The following CHD9 variants were observed in gnomAD, a reference collection of about 807,000 sequenced individuals.
CHD9 encodes ATP-dependent chromatin remodeler CHD9.
A neutral mutation model predicts 316.1 loss-of-function variants in CHD9; 77 were observed. That is an observed-to-expected ratio of 0.24 (90% CI 0.20 to 0.29). CHD9 has a LOEUF of 0.29. Among genes scored for constraint, CHD9 ranks in the 10% least tolerant of loss-of-function variants. CHD9 has a pLI of 1.00. For missense variants in CHD9, 2,763 were observed against 3,438.1 expected, an observed-to-expected ratio of 0.80 and a Z score of 4.91; for synonymous variants, 1,129 against 1,158.3, an observed-to-expected ratio of 0.97 and a Z score of 0.51.
intron 2 of CHD9, among the ~76,000 whole-genome samples, chr16:53,188,891 C>A (rs1003851151): frequency 2.0e-5 from 3 of 151,348 alleles, no homozygotes; most frequent in African/African-American, 7.3e-5. Context: ...AGCATTGTAT[C>A]TTTTTTTTAG....
intron 19 of CHD9, among the ~76,000 whole-genome samples, chr16:53,257,827 T>A (rs753219288): frequency 6.6e-6 from 1 of 152,156 alleles, no homozygotes; most frequent in Non-Finnish European, 1.5e-5. Flanking sequence ...GAACTAAAAC[T>A]AGTCATGACT....
At chr16:53,140,538 G>A (rs544806663) in intron 1 of CHD9, among the ~76,000 whole-genome samples, 58 of 152,224 alleles carry the variant, frequency 3.8e-4, no homozygotes, top group Non-Finnish European at 5.6e-4. Context: ...TCTATTTTCA[G>A]TATCAGCCCA....
chr16:53,229,321 TA>T (rs1423006190), intron 8 of CHD9, among the ~76,000 whole-genome samples: 1 of 152,234 alleles, frequency 6.6e-6, no homozygotes, highest in Non-Finnish European at 1.5e-5. Flanking sequence ...CTTGTATTTT[TA>T]AACTAGCATA....
chr16:53,065,982 T>C (rs897507722), intron 1 of CHD9, among the ~76,000 whole-genome samples: 2 of 152,196 alleles, frequency 1.3e-5, no homozygotes, highest in South Asian at 2.1e-4. Context: ...TCACAGATGT[T>C]GCGTGCAGTT....
intron 2 of CHD9, among the ~76,000 whole-genome samples, chr16:53,191,936 C>T (rs1008170680): frequency 3.3e-5 from 5 of 151,746 alleles, no homozygotes; most frequent in Non-Finnish European, 7.4e-5. Flanking sequence ...TATTGTCAGT[C>T]TTTTTAAATT....
intron 19 of CHD9, among the ~76,000 whole-genome samples, chr16:53,258,823 A>G (rs1230984608): frequency 6.6e-6 from 1 of 152,106 alleles, no homozygotes; most frequent in African/African-American, 2.4e-5. Context: ...GGTGGGTCCT[A>G]GAAAAAGAAA....
chr16:53,254,486 T>C lies in CHD9; in HGVS notation c.3910T>C (p.Tyr1304His), dbSNP rs1360180136. The C allele has an allele frequency of 1.2e-6, 2 of 1,613,040 alleles. No homozygotes were observed. The highest frequency in any genetic ancestry group is 1.7e-5 in the Admixed American group (1 of 59,970). The change falls in exon 18 of 39, where the codon TAC becomes CAC. Residue 1304 changes from tyrosine (Y) to histidine (H), a missense_variant. Physicochemically the swap from Tyr to His is moderately conservative, Grantham distance 83 (BLOSUM62 2). This residue lies in a region of CHD9 where 199 missense variants were observed against 251.7 expected (regional missense o/e 0.79). Coordinates refer to ENST00000447540, the MANE Select transcript of CHD9 (RefSeq NM_001308319.2). ...RIGQNKAVKV[Y>H]RLVTRNSYER... ...TGGTCAGAACAAAGCAGTTAAAGTC[T>C]ACAGACTGGTAACTCGTAACTCATA...
At chr16:53,235,633 G>T (rs1472467602) in intron 11 of CHD9, among the ~76,000 whole-genome samples, 2 of 152,122 alleles carry the variant, frequency 1.3e-5, no homozygotes, top group African/African-American at 2.4e-5. Flanking sequence ...CCAACAATCA[G>T]TTCGAGTTAG....
chr16:53,180,821 G>A (rs1011518543), intron 2 of CHD9, among the ~76,000 whole-genome samples: 1 of 151,194 alleles, frequency 6.6e-6, no homozygotes, highest in Non-Finnish European at 1.5e-5. Context: ...GACTACAGGC[G>A]CCCGCCACCA....
At chr16:53,191,934 G>T (rs1272459773) in intron 2 of CHD9, among the ~76,000 whole-genome samples, 2 of 151,988 alleles carry the variant, frequency 1.3e-5, no homozygotes, top group African/African-American at 4.8e-5. Flanking sequence ...GGTATTGTCA[G>T]TCTTTTTAAA....
At chr16:53,160,042 T>G (rs1246776787) in intron 2 of CHD9, among the ~76,000 whole-genome samples, 1 of 152,160 alleles carries the variant, frequency 6.6e-6, no homozygotes, top group African/African-American at 2.4e-5. Context: ...GAGTTGAGTA[T>G]TGTGATTTTG....
At chr16:53,206,173 G>A (rs1281430041) in intron 2 of CHD9, among the ~76,000 whole-genome samples, 1 of 151,808 alleles carries the variant, frequency 6.6e-6, no homozygotes, top group Non-Finnish European at 1.5e-5. Flanking sequence ...GGCTGGTCTC[G>A]AACTCCCGAC....
At chr16:53,235,378 A>T in intron 11 of CHD9, 72 bp downstream of exon 11, 1 of 1,074,730 alleles carries the variant, frequency 9.3e-7, no homozygotes. Flanking sequence ...TAAAATAGAT[A>T]CTGTTGTTGC....
At chr16:53,273,855 G>A (rs1490436297) in intron 23 of CHD9, 70 bp downstream of exon 23, 2 of 1,405,404 alleles carry the variant, frequency 1.4e-6, no homozygotes, top group Admixed American at 4.3e-5. Flanking sequence ...TACTCTTTAA[G>A]CTTGCTGATT....
chr16:53,107,792 G>C (rs1252781799), intron 1 of CHD9, among the ~76,000 whole-genome samples: 1 of 152,170 alleles, frequency 6.6e-6, no homozygotes, highest in Non-Finnish European at 1.5e-5. Context: ...CTGTAGGCCA[G>C]GTATGGTCAC....
At chr16:53,231,099 A>G (rs1015971715) in intron 8 of CHD9, among the ~76,000 whole-genome samples, 19 of 152,202 alleles carry the variant, frequency 1.2e-4, no homozygotes, top group African/African-American at 2.9e-4. Context: ...TGAGCATTCA[A>G]TGGGATGATG....
At chr16:53,254,024 A>G (rs930059083) in intron 17 of CHD9, among the ~76,000 whole-genome samples, 7 of 152,188 alleles carry the variant, frequency 4.6e-5, no homozygotes, top group Admixed American at 6.5e-5. Context: ...TAAAAATACA[A>G]AAATTAGTCA....
In CHD9 at chr16:53,229,105, G is replaced by GA. The variant is rs1267933243; in HGVS notation, c.2286+12dup. The GA allele has an allele frequency of 3.4e-6, 5 of 1,471,040 alleles. No homozygotes were observed. Among genetic ancestry groups the GA allele is most frequent in the South Asian group, 1.3e-5 (1 of 78,858 alleles). The allele number at this position is 1,471,040 out of a possible 1,614,324, so 91.1% of individuals were successfully genotyped here. A position where few individuals can be genotyped will look rare whatever the true frequency, so the allele number is the denominator to read the frequency against. On this transcript the variant is annotated splice_donor_region_variant and intron_variant, in intron 8 of 38. Transcript: ENST00000447540. Reference sequence around the variant, plus strand: ...AGAGCACATTTTTTTGCAGACGTAAGAAAAAAATAAATAAGACTATTATGT... The same window carrying GA: ...AGAGCACATTTTTTTGCAGACGTAAGAAAAAAAATAAATAAGACTATTATGT...
At chr16:53,179,576 G>A (rs561834580) in intron 2 of CHD9, among the ~76,000 whole-genome samples, 7 of 152,170 alleles carry the variant, frequency 4.6e-5, no homozygotes, top group African/African-American at 1.7e-4. Flanking sequence ...CTTGTACCCA[G>A]TCATACTGTT....
Sources: allele counts gnomAD v4.1 joint callset (sites outside exome capture counted in the v4.1 genomes callset), GRCh38; gene constraint gnomAD v4.1.1; regional missense constraint gnomAD v4.1.1; transcripts MANE v1.5; gene names NCBI Gene and HGNC (gene_info 2026-07-23, HGNC 2026-07-21).